Variants in KCNMA1 observed in about 807,000 individuals in gnomAD.
KCNMA1 encodes potassium calcium-activated channel subfamily M alpha 1.
A neutral mutation model predicts 140.0 loss-of-function variants in KCNMA1; 29 were observed. That is an observed-to-expected ratio of 0.21 (90% confidence interval 0.15 to 0.28). The LOEUF (loss-of-function observed/expected upper bound fraction) is 0.28. Among genes scored for constraint, KCNMA1 ranks in the 10% least tolerant of loss-of-function variants. The pLI, the probability that KCNMA1 is intolerant of heterozygous loss-of-function variation, is 1.00. For missense variants in KCNMA1, 880 were observed against 1,602.2 expected, an observed-to-expected ratio of 0.55 and a Z score of 7.70; for synonymous variants, 612 against 611.9, an observed-to-expected ratio of 1.00 and a Z score of 0.00.
intron 12 of KCNMA1, 127 bp downstream of exon 12, chr10:77,084,510 T>G: frequency 3.9e-6 from 3 of 768,708 alleles, no homozygotes; most frequent in Non-Finnish European, 4.5e-6. Flanking sequence ...ATGCAGCTGG[T>G]GAGTTGTACA....
intron 2 of KCNMA1, among the ~76,000 whole-genome samples, chr10:77,312,722 C>A (rs2079661411): frequency 6.6e-6 from 1 of 152,170 alleles, no homozygotes. Flanking sequence ...GAAGTACAAG[C>A]CACATGCCCA....
At chr10:77,445,325 T>C (rs902225936) in intron 1 of KCNMA1, among the ~76,000 whole-genome samples, 6 of 150,868 alleles carry the variant, frequency 4.0e-5, no homozygotes, top group Admixed American at 1.3e-4. Flanking sequence ...CTCTGCATCG[T>C]CCATATTCTC....
At chr10:77,010,279 T>C (rs990934355) in intron 18 of KCNMA1, among the ~76,000 whole-genome samples, 3 of 152,126 alleles carry the variant, frequency 2.0e-5, no homozygotes, top group Non-Finnish European at 4.4e-5. Flanking sequence ...ATTCAGGAGA[T>C]GTCTGGTCAA....
intron 15 of KCNMA1, among the ~76,000 whole-genome samples, chr10:77,038,879 G>A (rs933456262): frequency 1.3e-5 from 2 of 152,158 alleles, no homozygotes; most frequent in African/African-American, 4.8e-5. Flanking sequence ...GACACCTGGA[G>A]CTCTTGAGGT....
intron 2 of KCNMA1, among the ~76,000 whole-genome samples, chr10:77,385,507 A>T (rs1292919967): frequency 6.6e-6 from 1 of 152,260 alleles, no homozygotes; most frequent in Non-Finnish European, 1.5e-5. Flanking sequence ...TCACACTAGT[A>T]CATGGCAGAA....
intron 1 of KCNMA1, among the ~76,000 whole-genome samples, chr10:77,425,235 T>C (rs1001056356): frequency 6.6e-6 from 1 of 152,222 alleles, no homozygotes; most frequent in Admixed American, 6.5e-5. Flanking sequence ...CCGATTTATT[T>C]AACATTGTAG....
intron 2 of KCNMA1, among the ~76,000 whole-genome samples, chr10:77,296,487 C>T (rs954969771): frequency 6.6e-5 from 10 of 152,142 alleles, no homozygotes; most frequent in African/African-American, 2.2e-4. Context: ...CAACAGGGAA[C>T]TAATATGGAG....
chr10:77,325,408 G>C (rs1280445304), intron 2 of KCNMA1, among the ~76,000 whole-genome samples: 2 of 152,198 alleles, frequency 1.3e-5, no homozygotes, highest in East Asian at 3.9e-4. Flanking sequence ...TTTGCATGGA[G>C]TGATATCCTG....
rs191561947 is a variant in KCNMA1, at chr10:77,404,133, T to C, written c.379-110A>G. 36 of 1,011,286 alleles carry C rather than the reference T, an allele frequency of 3.6e-5. 1 individual carries two copies. The African/African-American group carries it at 5.2e-4, about 15-fold the overall frequency. 62.6% of individuals were successfully genotyped at this position (1,011,286 alleles called of 1,614,324 possible). ...AGGGGTCCCCAGCTGAGATGGAAAC[T>C]AGCTTAAAGGTATAGGAGTAAAGCA... On this transcript the variant is annotated intron_variant, in intron 1 of 27. Coordinates refer to ENST00000286628, the MANE Select transcript of KCNMA1 (RefSeq NM_001161352.2).
intron 1 of KCNMA1, among the ~76,000 whole-genome samples, chr10:77,488,360 G>A (rs140557788): frequency 1.5e-3 from 233 of 152,316 alleles, no homozygotes; most frequent in African/African-American, 4.9e-3. Context: ...ATTGGGAGGC[G>A]GAGGGAATGG....
chr10:77,093,166 A>G (rs1292550391), intron 9 of KCNMA1, among the ~76,000 whole-genome samples: 1 of 152,180 alleles, frequency 6.6e-6, no homozygotes, highest in African/African-American at 2.4e-5. Context: ...TTGAAAATAT[A>G]TATCTTTTAG....
chr10:77,036,680 T>C (rs1283408651), intron 15 of KCNMA1, among the ~76,000 whole-genome samples: 1 of 152,208 alleles, frequency 6.6e-6, no homozygotes, highest in Non-Finnish European at 1.5e-5. Context: ...TGAAATTGAA[T>C]AGCCAATTCT....
At chr10:77,296,897 G>C (rs1007054896) in intron 2 of KCNMA1, among the ~76,000 whole-genome samples, 14 of 138,834 alleles carry the variant, frequency 1.0e-4, no homozygotes, top group Non-Finnish European at 2.3e-4. Context: ...TAAGAGGAAT[G>C]CCTGGGTGTG....
At chr10:77,116,355 C>T (rs569330180) in intron 6 of KCNMA1, among the ~76,000 whole-genome samples, 1 of 152,236 alleles carries the variant, frequency 6.6e-6, no homozygotes, top group East Asian at 1.9e-4. Context: ...GAAGGTCTGG[C>T]TCCAGAGATT....
intron 1 of KCNMA1, among the ~76,000 whole-genome samples, chr10:77,418,729 G>A (rs899721659): frequency 6.6e-6 from 1 of 152,102 alleles, no homozygotes; most frequent in Non-Finnish European, 1.5e-5. Context: ...CTCCTACCAT[G>A]TCCCCTCTTT....
At chr10:77,497,300 T>A (rs1409788672) in intron 1 of KCNMA1, among the ~76,000 whole-genome samples, 2 of 152,254 alleles carry the variant, frequency 1.3e-5, no homozygotes, top group African/African-American at 4.8e-5. Context: ...TGAATGCCTC[T>A]GGAGTGTCAG....
chr10:77,382,682 T>C (rs2095430909), intron 2 of KCNMA1, among the ~76,000 whole-genome samples: 1 of 151,588 alleles, frequency 6.6e-6, no homozygotes, highest in Non-Finnish European at 1.5e-5. Context: ...TTGGCCAACA[T>C]GGTAAAACCC....
intron 2 of KCNMA1, among the ~76,000 whole-genome samples, chr10:77,281,996 A>C (rs1437114487): frequency 6.6e-6 from 1 of 152,194 alleles, no homozygotes; most frequent in Admixed American, 6.5e-5. Context: ...GGGAGACCTC[A>C]GTTTGGGTTA....
intron 1 of KCNMA1, among the ~76,000 whole-genome samples, chr10:77,432,899 G>A (rs1259909640): frequency 6.6e-6 from 1 of 152,148 alleles, no homozygotes; most frequent in African/African-American, 2.4e-5. Flanking sequence ...GAATGGTGAG[G>A]GGGAAGGGAC....
Sources: allele counts gnomAD v4.1 joint callset (sites outside exome capture counted in the v4.1 genomes callset), GRCh38; gene constraint gnomAD v4.1.1; transcripts MANE v1.5; gene names NCBI Gene and HGNC (gene_info 2026-07-23, HGNC 2026-07-21).